LARGE1: variants seen among roughly 807,000 people sequenced by gnomAD.
LARGE1 encodes LARGE xylosyl- and glucuronyltransferase 1, also known as xylosyl- and glucuronyltransferase LARGE1.
LARGE1 carries 43 observed loss-of-function variants against 87.6 expected under a neutral mutation model. The observed-to-expected ratio is 0.49, with a 90% confidence interval of 0.38 to 0.63. LARGE1 has a LOEUF of 0.63. LARGE1 is among the 30% of genes least tolerant of loss of function. The pLI, the probability that LARGE1 is intolerant of heterozygous loss-of-function variation, is 0.00. For missense variants in LARGE1, 802 were observed against 1,000.2 expected, an observed-to-expected ratio of 0.80 and a Z score of 2.67; for synonymous variants, 434 against 394.6, an observed-to-expected ratio of 1.10 and a Z score of -1.18.
the LARGE1 span, among the ~76,000 whole-genome samples, chr22:33,142,122 A>C: frequency 6.6e-6 from 1 of 152,212 alleles, no homozygotes; most frequent in Admixed American, 6.5e-5. Flanking sequence ...TGGTCAGCCA[A>C]TGATTGATCA....
intron 6 of LARGE1, among the ~76,000 whole-genome samples, chr22:33,514,749 ACG>A (rs1247020789): frequency 6.6e-6 from 1 of 152,176 alleles, no homozygotes; most frequent in East Asian, 1.9e-4. Flanking sequence ...GCTAGTCTAC[ACG>A]TGGAGGAGAG....
intron 2 of LARGE1, among the ~76,000 whole-genome samples, chr22:33,740,000 A>T (rs1205471584): frequency 1.3e-5 from 2 of 152,168 alleles, no homozygotes; most frequent in East Asian, 3.9e-4. Flanking sequence ...GTGGTATGAT[A>T]CAGTGTTTCA....
chr22:33,361,697 A>T (rs777578214), intron 9 of LARGE1, among the ~76,000 whole-genome samples: 19 of 124,352 alleles, frequency 1.5e-4, no homozygotes, highest in Non-Finnish European at 2.7e-4. Context: ...TGAGATTCAG[A>T]TTCTGCATCA....
At chr22:33,671,784 T>A (rs986813529) in intron 2 of LARGE1, among the ~76,000 whole-genome samples, 1 of 152,202 alleles carries the variant, frequency 6.6e-6, no homozygotes, top group African/African-American at 2.4e-5. Context: ...TGGGAGTTAT[T>A]GATATCCTAC....
downstream of LARGE1, among the ~76,000 whole-genome samples, chr22:33,158,421 T>C (rs1248179233): frequency 6.6e-6 from 1 of 152,190 alleles, no homozygotes; most frequent in Non-Finnish European, 1.5e-5. Flanking sequence ...TTCACTCTAG[T>C]TAGAAACCAA....
intron 6 of LARGE1, among the ~76,000 whole-genome samples, chr22:33,472,539 T>C (rs146471587): frequency 6.6e-6 from 1 of 152,102 alleles, no homozygotes; most frequent in Non-Finnish European, 1.5e-5. Flanking sequence ...ATTGGCTAAA[T>C]TTAGAGGTGA....
chr22:33,290,495 C>T (rs564072048), intron 12 of LARGE1, among the ~76,000 whole-genome samples: 75 of 152,264 alleles, frequency 4.9e-4, no homozygotes, highest in African/African-American at 1.8e-3. Context: ...ATGGGAACTC[C>T]TGGGAGGGAC....
intron 1 of LARGE1, among the ~76,000 whole-genome samples, chr22:33,821,922 A>G (rs1258302739): frequency 6.7e-6 from 1 of 149,944 alleles, no homozygotes; most frequent in African/African-American, 2.5e-5. Context: ...TGTCCCAATC[A>G]CTCAGGTTCC....
At chr22:33,457,293 C>CTTTTTTTTTTTTTTTTT (rs759460321) in intron 6 of LARGE1, among the ~76,000 whole-genome samples, 11 of 74,928 alleles carry the variant, frequency 1.5e-4, no homozygotes, top group African/African-American at 3.3e-4. Flanking sequence ...ACGCCTGGCT[C>CTTTTTTTTTTTTTTTTT]TTTTTTTTTT....
chr22:33,781,501 A>G (rs1164439010), intron 1 of LARGE1, among the ~76,000 whole-genome samples: 1 of 151,668 alleles, frequency 6.6e-6, no homozygotes, highest in Non-Finnish European at 1.5e-5. Flanking sequence ...ACTCTGCCTT[A>G]AAAAAAAATT....
intron 10 of LARGE1, among the ~76,000 whole-genome samples, chr22:33,335,408 G>C (rs1938322064): frequency 1.3e-5 from 2 of 152,080 alleles, no homozygotes; most frequent in African/African-American, 4.8e-5. Flanking sequence ...TGTGACTTGG[G>C]GACCCAGTCA....
At chr22:33,446,686 T>G (rs1435997460) in intron 6 of LARGE1, among the ~76,000 whole-genome samples, 1 of 152,120 alleles carries the variant, frequency 6.6e-6, no homozygotes, top group Non-Finnish European at 1.5e-5. Flanking sequence ...AGGGCTGGTC[T>G]GGGGGCCTTG....
chr22:33,372,240 C>T (rs1013312641), intron 9 of LARGE1, among the ~76,000 whole-genome samples: 1 of 151,898 alleles, frequency 6.6e-6, no homozygotes, highest in African/African-American at 2.4e-5. Flanking sequence ...TAAAATAGTT[C>T]TTATTACAAA....
chr22:33,370,066 G>T (rs1048863507), intron 9 of LARGE1, among the ~76,000 whole-genome samples: 1 of 152,156 alleles, frequency 6.6e-6, no homozygotes, highest in Non-Finnish European at 1.5e-5. Context: ...CAATTGCTTA[G>T]GATGCTAGAG....
intron 1 of LARGE1, among the ~76,000 whole-genome samples, chr22:33,800,479 C>A (rs753804148): frequency 6.6e-6 from 1 of 152,162 alleles, no homozygotes; most frequent in Admixed American, 6.5e-5. Flanking sequence ...CAGATTTGTG[C>A]AACCACCATC....
intron 1 of LARGE1, among the ~76,000 whole-genome samples, chr22:33,782,667 C>T (rs918770389): frequency 6.6e-6 from 1 of 151,954 alleles, no homozygotes; most frequent in African/African-American, 2.4e-5. Flanking sequence ...GAGATCAAGA[C>T]CATCCTGGCC....
At chr22:33,667,275 A>C (rs1437117279) in intron 2 of LARGE1, among the ~76,000 whole-genome samples, 1 of 152,234 alleles carries the variant, frequency 6.6e-6, no homozygotes, top group East Asian at 1.9e-4. Context: ...TGGACTAAGA[A>C]GCGTCAGCCC....
At chr22:33,799,151 G>A (rs1217489523) in intron 1 of LARGE1, among the ~76,000 whole-genome samples, 2 of 152,008 alleles carry the variant, frequency 1.3e-5, no homozygotes, top group East Asian at 1.9e-4. Context: ...CCAGAGATAT[G>A]CCTGGTACCT....
At chr22:33,305,087 G>A (rs1934692991) in intron 11 of LARGE1, among the ~76,000 whole-genome samples, 1 of 152,174 alleles carries the variant, frequency 6.6e-6, no homozygotes, top group Non-Finnish European at 1.5e-5. Context: ...CGTGCCGTAT[G>A]TTCAATCAGC....
Sources: allele counts gnomAD v4.1 joint callset (sites outside exome capture counted in the v4.1 genomes callset), GRCh38; gene constraint gnomAD v4.1.1; transcripts MANE v1.5; gene names NCBI Gene and HGNC (gene_info 2026-07-23, HGNC 2026-07-21).